Variants in WDFY2 observed in about 807,000 individuals in gnomAD.
WDFY2 encodes WD repeat and FYVE domain-containing protein 2.
Under a neutral mutation model 56.4 loss-of-function variants are expected in WDFY2, and 36 were observed. The observed-to-expected ratio is 0.64, with a 90% confidence interval of 0.49 to 0.84. The LOEUF is 0.84. Ranked by LOEUF, WDFY2 falls within the 40% of genes least tolerant of loss-of-function variation. The probability of loss-of-function intolerance (pLI) is 0.00; values close to 1 mark genes in which losing one functional copy is unlikely to be tolerated. For synonymous variants in WDFY2, 176 were observed against 183.7 expected (o/e 0.96, Z 0.34); for missense variants, 444 against 512.2 (o/e 0.87, Z 1.29).
At chr13:51,667,399 A>G (rs1955724334) in intron 2 of WDFY2, among the ~76,000 whole-genome samples, 2 of 152,214 alleles carry the variant, frequency 1.3e-5, no homozygotes, top group South Asian at 2.1e-4. Flanking sequence ...TAGTTTTCCC[A>G]TTGGTAAGGA....
At chr13:51,652,057 C>T (rs1955400232) in intron 1 of WDFY2, among the ~76,000 whole-genome samples, 1 of 152,190 alleles carries the variant, frequency 6.6e-6, no homozygotes, top group African/African-American at 2.4e-5. Flanking sequence ...CTGTAGGTCT[C>T]TAAGGACTTG....
At chr13:51,690,508 C>T (rs1379217980) in intron 3 of WDFY2, among the ~76,000 whole-genome samples, 1 of 151,974 alleles carries the variant, frequency 6.6e-6, no homozygotes, top group African/African-American at 2.4e-5. Context: ...ATCCATGTCC[C>T]TACAAAGGAC....
In WDFY2 at chr13:51,640,168, A is replaced by G. The variant is rs1264286945; in HGVS notation, c.138-20428A>G. 2.0e-5 allele frequency among the ~76,000 whole-genome samples: 3 copies of G among 152,372 alleles called. No individual in the cohort carries two copies. In the East Asian group the frequency reaches 5.8e-4, roughly 29 times the overall value. On this transcript the variant is annotated intron_variant, in intron 1 of 11. Coordinates refer to ENST00000298125, the MANE Select transcript of WDFY2 (RefSeq NM_052950.4). ...ATCAATTCAGATTGCTAAGTAAATG[A>G]CAAAAGTGTTTAGTACTGCTTGAAT... is the stretch of plus-strand genomic sequence containing the variant.
Position 51,759,759 on chromosome 13 carries a change from T to A in WDFY2, c.1193T>A (p.Val398Asp), listed in dbSNP as rs1953522019. Residue 398 changes from valine to aspartate, a missense_variant, in exon 12 of 12, where the codon GTC becomes GAC. By Grantham distance (152) the Val-to-Asp change is radical (BLOSUM62 -3). Coordinates refer to ENST00000298125, the MANE Select transcript of WDFY2 (RefSeq NM_052950.4). ...TTGCAGTTGTGGGATATGACCCCAG[T>A]CGTGTCTTGATGACTCTCCCAGGAA... The part of the protein sequence containing the change: ...KVIKLWDMTP[V>D]VS The A allele has an allele frequency of 6.2e-7, 1 of 1,614,120 alleles. No individual in the cohort carries two copies. Among genetic ancestry groups the A allele is most frequent in the African/African-American group, 1.3e-5 (1 of 75,062 alleles).
intron 3 of WDFY2, among the ~76,000 whole-genome samples, chr13:51,700,255 G>A (rs1028601045): frequency 1.2e-4 from 19 of 152,270 alleles, no homozygotes; most frequent in African/African-American, 4.6e-4. Flanking sequence ...ATTGTTTGAT[G>A]TATTACAGTG....
intron 1 of WDFY2, chr13:51,590,559 A>T (rs976609473): frequency 6.6e-6 from 1 of 152,220 alleles, no homozygotes; most frequent in Non-Finnish European, 1.5e-5. Context: ...AGACTACTGC[A>T]GGTGGTGATT....
chr13:51,728,963 T>C (rs1196543378), intron 6 of WDFY2, among the ~76,000 whole-genome samples: 1 of 152,170 alleles, frequency 6.6e-6, no homozygotes, highest in Non-Finnish European at 1.5e-5. Context: ...TCCCTACACC[T>C]TTCTTCATTC....
chr13:51,612,693 A>G (rs551859181), intron 1 of WDFY2, among the ~76,000 whole-genome samples: 4 of 152,344 alleles, frequency 2.6e-5, no homozygotes, highest in East Asian at 1.9e-4. Context: ...TGGCAGTTGT[A>G]TAGTTCTTTG....
intron 4 of WDFY2, among the ~76,000 whole-genome samples, chr13:51,718,559 T>TACAC (rs71192015): frequency 0.091 from 12,615 of 138,626 alleles, 581 homozygotes; most frequent in African/African-American, 0.12. Context: ...TTATCATTCA[T>TACAC]ACACACACAC....
intron 1 of WDFY2, among the ~76,000 whole-genome samples, chr13:51,613,002 G>A (rs1954533120): frequency 6.6e-6 from 1 of 152,124 alleles, no homozygotes; most frequent in Non-Finnish European, 1.5e-5. Flanking sequence ...TTTTTGAAAA[G>A]AAAATTATTC....
intron 11 of WDFY2, among the ~76,000 whole-genome samples, chr13:51,758,714 A>C (rs1455535197): frequency 6.6e-6 from 1 of 152,320 alleles, no homozygotes; most frequent in South Asian, 2.1e-4. Flanking sequence ...GGGACAGACT[A>C]AAAAGACTGT....
chr13:51,708,907 C>T (rs1952147707), intron 4 of WDFY2, among the ~76,000 whole-genome samples: 1 of 152,116 alleles, frequency 6.6e-6, no homozygotes, highest in Non-Finnish European at 1.5e-5. Context: ...AAGAACATTA[C>T]CAGGGATAAA....
chr13:51,623,119 A>G (rs140912853), intron 1 of WDFY2, among the ~76,000 whole-genome samples: 7,042 of 152,164 alleles, frequency 0.046, 207 homozygotes, highest in Middle Eastern at 0.068. Flanking sequence ...TGGCCTCCCA[A>G]AGTGCTGGGA....
At chr13:51,689,428 T>C (rs887040845) in intron 3 of WDFY2, among the ~76,000 whole-genome samples, 1 of 152,172 alleles carries the variant, frequency 6.6e-6, no homozygotes, top group Non-Finnish European at 1.5e-5. Flanking sequence ...CCTGAATTTG[T>C]CTCTTTGTAG....
At chr13:51,621,109 C>G (rs768850651) in intron 1 of WDFY2, among the ~76,000 whole-genome samples, 1 of 152,216 alleles carries the variant, frequency 6.6e-6, no homozygotes, top group Non-Finnish European at 1.5e-5. Flanking sequence ...CTCTCTTCCC[C>G]CTTCCTGCAT....
rs1317563765 is a variant in WDFY2 at position 51,766,247 on chromosome 13, T to C, written c.*6478T>C. On this transcript the variant is annotated 3_prime_UTR_variant, in exon 12 of 12. Coordinates refer to ENST00000298125, the MANE Select transcript of WDFY2 (RefSeq NM_052950.4). ...CATTTTGCAAAAGGAAATCTTTATA[T>C]GAAATGTACAAAAACCGTTACTAAC... 1 of 152,254 alleles carries C rather than the reference T, an allele frequency of 6.6e-6. No homozygotes were observed. The highest frequency in any genetic ancestry group is 1.5e-5 in the Non-Finnish European group (1 of 68,048). 9.4% of individuals were successfully genotyped at this position (152,254 alleles called of 1,614,324 possible).
rs1264454938 is a variant in WDFY2, at chr13:51,765,434, C to G, written c.*5665C>G. 6.6e-6 allele frequency: 1 copy of G among 152,116 alleles called. No homozygotes were observed. The highest frequency in any genetic ancestry group is 1.5e-5 in the Non-Finnish European group (1 of 68,022). The allele number at this position is 152,116 out of a possible 1,614,324, so 9.4% of individuals were successfully genotyped here. On this transcript the variant is annotated 3_prime_UTR_variant, in exon 12 of 12. Coordinates refer to ENST00000298125, the MANE Select transcript of WDFY2 (RefSeq NM_052950.4). ...GGAATGGGATGTCTTCCTTGCATGT[C>G]CCATACCAGGGAATTTTTTTAACAC...
intron 5 of WDFY2, among the ~76,000 whole-genome samples, chr13:51,723,527 T>C (rs1469490465): frequency 7.2e-5 from 11 of 152,170 alleles, no homozygotes; most frequent in Admixed American, 4.6e-4. Context: ...CACAGTCCCA[T>C]ATTCTAAATT....
intron 1 of WDFY2, among the ~76,000 whole-genome samples, chr13:51,603,719 C>G (rs1954329665): frequency 6.6e-6 from 1 of 152,064 alleles, no homozygotes; most frequent in Admixed American, 6.5e-5. Flanking sequence ...TTTCTGAGGG[C>G]CACTTTCCTA....
Sources: gnomAD v4.1 joint callset for allele counts (sites outside exome capture counted in the v4.1 genomes callset) on GRCh38, gnomAD v4.1.1 for gene constraint, MANE v1.5 for transcripts, NCBI Gene and HGNC (gene_info 2026-07-23, HGNC 2026-07-21) for gene names.